CEP162: variants seen among roughly 807,000 people sequenced by gnomAD.
CEP162 encodes centrosomal protein of 162 kDa.
In CEP162, 141 loss-of-function variants were observed where a neutral mutation model predicts 169.2. The observed-to-expected ratio is 0.83, with a 90% CI of 0.73 to 0.96. The LOEUF (loss-of-function observed/expected upper bound fraction) is 0.96, where lower values mean the gene tolerates loss of function less well. Ranked by LOEUF, CEP162 falls within the 40% of genes least tolerant of loss-of-function variation. CEP162 has a pLI of 0.00. For synonymous variants in CEP162, 540 were observed against 526.4 expected (o/e 1.03, Z -0.35); for missense variants, 1,600 against 1,587.2 (o/e 1.01, Z -0.14).
intron 13 of CEP162, among the ~76,000 whole-genome samples, chr6:84,184,876 C>A (rs1280935201): frequency 6.6e-6 from 1 of 151,834 alleles, no homozygotes; most frequent in Non-Finnish European, 1.5e-5. Flanking sequence ...AAAAATTAAA[C>A]TCCCAGTTTT....
intron 2 of CEP162, 39 bp from the exon 3 acceptor site, chr6:84,221,210 G>A (rs558556077): frequency 1.0e-6 from 1 of 974,762 alleles, no homozygotes; most frequent in East Asian, 2.4e-5. Flanking sequence ...AAAATACAGT[G>A]TAAATTCAAG....
Position 84,146,804 on chromosome 6 carries a change from T to C in CEP162, c.3772-19A>G. Reference sequence around the variant, plus strand: ...TAAGTACCTAGGAAATTGTTAGAAGTGCTGAGTTAATAAAGCTCCTCCTTG... The same window carrying C: ...TAAGTACCTAGGAAATTGTTAGAAGCGCTGAGTTAATAAAGCTCCTCCTTG... On this transcript the variant is annotated intron_variant, in intron 24 of 26. Coordinates refer to ENST00000403245, the MANE Select transcript of CEP162 (RefSeq NM_014895.4). The C allele has an allele frequency of 7.6e-7, 1 of 1,319,088 alleles. No individual in the cohort carries two copies. Among genetic ancestry groups the C allele is most frequent in the Admixed American group, 2.2e-5 (1 of 44,454 alleles). 81.7% of individuals were successfully genotyped at this position (1,319,088 alleles called of 1,614,324 possible). A position where few individuals can be genotyped will look rare whatever the true frequency, so the allele number is the denominator to read the frequency against.
chr6:84,208,804 A>C (rs1010989927), intron 6 of CEP162, among the ~76,000 whole-genome samples: 1 of 152,266 alleles, frequency 6.6e-6, no homozygotes, highest in African/African-American at 2.4e-5. Flanking sequence ...GTAGACATAT[A>C]GTTAAAATCA....
Position 84,219,108 on chromosome 6 carries a change from T to C in CEP162, c.172+1949A>G, listed in dbSNP as rs2099552660. The C allele has an allele frequency of 6.6e-5, 78 of 1,174,408 alleles. 1 individual carries two copies. The South Asian group carries it at 1.0e-3, about 15-fold the overall frequency. The allele number at this position is 1,174,408 out of a possible 1,614,324, so 72.7% of individuals were successfully genotyped here. ...CTGTTAATGTTTAATGGTACCTGTC[T>C]TAAGATTAATAATGCATTCCTCTTC... is the stretch of plus-strand genomic sequence containing the variant. On this transcript the variant is annotated intron_variant, in intron 3 of 26. Transcript: ENST00000403245.
At chr6:84,226,109 G>A (rs1353318515) in intron 2 of CEP162, among the ~76,000 whole-genome samples, 1 of 151,642 alleles carries the variant, frequency 6.6e-6, no homozygotes, top group African/African-American at 2.4e-5. Flanking sequence ...AACAGAGTCT[G>A]ACTGCAGTGT....
Position 84,185,205 on chromosome 6 carries a change from T to C in CEP162, c.1645A>G (p.Asn549Asp), listed in dbSNP as rs1270947594. ...TGATTACCTTTTTTCCTAGGTTGAT[T>C]GGAGGTAGAAATCGATCTCAAGTTT... is the stretch of plus-strand genomic sequence containing the variant. The part of the protein sequence containing the change: ...SKNLRSISTS[N>D]QPRKKEILSG... Residue 549 changes from asparagine to aspartate, a missense_variant, in exon 13 of 27, where the codon AAT (asparagine) becomes GAT (aspartate). Physicochemically the swap from Asn to Asp is conservative, Grantham distance 23 (BLOSUM62 1). Transcript: ENST00000403245. 5.0e-6 allele frequency: 8 copies of C among 1,611,522 alleles called. No homozygotes were observed. The African/African-American group carries it at 6.7e-5, about 13-fold the overall frequency.
In CEP162 at chr6:84,128,844, C is replaced by T. The variant is rs185183516; in HGVS notation, c.3871-2332G>A. Among the ~76,000 whole-genome samples, 603 of 141,810 alleles carry T rather than the reference C, an allele frequency of 4.3e-3. 6 individuals are homozygous for T. The highest frequency in any genetic ancestry group is 7.2e-3 in the South Asian group (29 of 4,022). The allele number at this position is 141,810 out of a possible 152,430, so 93.0% of individuals were successfully genotyped here. On this transcript the variant is annotated intron_variant, in intron 25 of 26. Coordinates refer to ENST00000403245, the MANE Select transcript of CEP162 (RefSeq NM_014895.4). Reference sequence around the variant, plus strand: ...TCTCCTAATGCTATCCCTCCCCTAACCCCCAACCCCCCGACAGGCCCCGGT... The same window carrying T: ...TCTCCTAATGCTATCCCTCCCCTAATCCCCAACCCCCCGACAGGCCCCGGT...
Position 84,149,593 on chromosome 6 carries a change from G to A in CEP162, c.3740C>T (p.Ala1247Val), listed in dbSNP as rs1412674260. 1 of 1,601,476 alleles carries A rather than the reference G, an allele frequency of 6.2e-7. No homozygotes were observed. Among genetic ancestry groups the A allele is most frequent in the Non-Finnish European group, 8.5e-7 (1 of 1,173,960 alleles). ...AGTTGCTATTTTACGATTTAGTTCA[G>A]CTACTTTGGAAGAAGAATTTTCTAC... ...NAVENSSSKV[A>V]ELNRKIATQE... Residue 1247 changes from alanine to valine, a missense_variant, in exon 24 of 27, where the codon GCT becomes GTT. Physicochemically the swap from Ala to Val is moderately conservative, Grantham distance 64. Transcript: ENST00000403245.
rs58002304 is a variant in CEP162 at position 84,145,563 on chromosome 6, GT to G, written c.3870+1123del. Among the ~76,000 whole-genome samples, 956 of 152,024 alleles carry G rather than the reference GT, an allele frequency of 6.3e-3. 4 individuals carry two copies. Among genetic ancestry groups the G allele is most frequent in the African/African-American group, 0.022 (921 of 41,494 alleles). ...CTTGTAGATATCAGATTCTAGCCTT[GT>G]TTTTTTATCTCTGGGGTTTTGTTAT... On this transcript the variant is annotated intron_variant, in intron 25 of 26. Coordinates refer to ENST00000403245, the MANE Select transcript of CEP162 (RefSeq NM_014895.4).
intron 18 of CEP162, among the ~76,000 whole-genome samples, chr6:84,164,521 A>C (rs1490538780): frequency 1.3e-5 from 2 of 152,216 alleles, no homozygotes; most frequent in Non-Finnish European, 2.9e-5. Context: ...CAGCCATAAA[A>C]AGGAATGAAT....
intron 2 of CEP162, among the ~76,000 whole-genome samples, chr6:84,223,963 G>GTAAAAT (rs1179890076): frequency 2.0e-5 from 3 of 151,744 alleles, no homozygotes; most frequent in Non-Finnish European, 2.9e-5. Flanking sequence ...TAGTGGAAAT[G>GTAAAAT]TAAAATAACA....
At chr6:84,129,536 T>A (rs2099510384) in intron 25 of CEP162, among the ~76,000 whole-genome samples, 1 of 152,182 alleles carries the variant, frequency 6.6e-6, no homozygotes. Flanking sequence ...TGGGGATGTT[T>A]TTTTTCTTGT....
At chr6:84,148,544 A>G (rs2099519935) in intron 24 of CEP162, among the ~76,000 whole-genome samples, 1 of 152,058 alleles carries the variant, frequency 6.6e-6, no homozygotes, top group Admixed American at 6.6e-5. Context: ...TTCAACATAC[A>G]TCTCTTTAGA....
At chr6:84,174,324 A>G in intron 15 of CEP162, 136 bp from the exon 16 acceptor site, 1 of 758,370 alleles carries the variant, frequency 1.3e-6, no homozygotes, top group Non-Finnish European at 2.1e-6. Flanking sequence ...TGACATAACT[A>G]GTTAAATCAG....
intron 18 of CEP162, among the ~76,000 whole-genome samples, chr6:84,166,911 T>C (rs1257412121): frequency 1.3e-5 from 2 of 152,228 alleles, no homozygotes; most frequent in Non-Finnish European, 2.9e-5. Context: ...AATAAAGGTA[T>C]GTTTACATTC....
chr6:84,211,929 G>GA lies in CEP162; in HGVS notation c.571+1027dup, dbSNP rs975228694. ...AAAAGGATAAAACCTTGAAAATAGAGAAAAAAAATACATGATATATACAAA... is the reference window on the plus strand; with the variant it reads ...AAAAGGATAAAACCTTGAAAATAGAGAAAAAAAAATACATGATATATACAAA... On this transcript the variant is annotated intron_variant, in intron 6 of 26. Transcript: ENST00000403245. Among the ~76,000 whole-genome samples, 8 of 144,366 alleles carry GA rather than the reference G, an allele frequency of 5.5e-5. 1 individual carries two copies. The highest frequency in any genetic ancestry group is 1.8e-4 in the African/African-American group (7 of 39,382). The allele number at this position is 144,366 out of a possible 152,430, so 94.7% of individuals were successfully genotyped here.
chr6:84,130,406 T>G (rs1220499139), intron 25 of CEP162, among the ~76,000 whole-genome samples: 1 of 152,180 alleles, frequency 6.6e-6, no homozygotes, highest in Non-Finnish European at 1.5e-5. Context: ...CTTTTTCTAT[T>G]GTGTGGAATA....
intron 7 of CEP162, among the ~76,000 whole-genome samples, chr6:84,202,400 G>C (rs1323474928): frequency 6.6e-6 from 1 of 151,616 alleles, no homozygotes; most frequent in African/African-American, 2.4e-5. Flanking sequence ...CCCAGACAGT[G>C]CTCTGAAGCT....
intron 22 of CEP162, among the ~76,000 whole-genome samples, chr6:84,155,030 T>C (rs1355547150): frequency 6.6e-6 from 1 of 152,178 alleles, no homozygotes; most frequent in African/African-American, 2.4e-5. Context: ...TATTCTGCTT[T>C]TTCATGACTT....
Sources: allele counts gnomAD v4.1 joint callset (sites outside exome capture counted in the v4.1 genomes callset), GRCh38; gene constraint gnomAD v4.1.1; transcripts MANE v1.5; gene names NCBI Gene and HGNC (gene_info 2026-07-23, HGNC 2026-07-21).